Variants in PHKB observed in about 807,000 individuals in gnomAD.
The protein encoded by PHKB is phosphorylase kinase regulatory subunit beta.
Under a neutral mutation model 152.1 loss-of-function variants are expected in PHKB, and 122 were observed. The ratio of observed to expected loss-of-function variants is 0.80; its 90% confidence interval spans 0.69 to 0.93. The LOEUF (loss-of-function observed/expected upper bound fraction) is 0.93. Ranked by LOEUF, PHKB falls within the 40% of genes least tolerant of loss-of-function variation. The pLI is 0.00. For missense variants in PHKB, 1,304 were observed against 1,328.4 expected (o/e 0.98, Z 0.29); for synonymous variants, 436 against 464.9 (o/e 0.94, Z 0.80).
chr16:47,523,828 A>ATT, intron 6 of PHKB, among the ~76,000 whole-genome samples: 1 of 152,206 alleles, frequency 6.6e-6, no homozygotes, highest in Non-Finnish European at 1.5e-5. Context: ...CATTTAAAGA[A>ATT]AAGCTCTTAA....
intron 26 of PHKB, among the ~76,000 whole-genome samples, chr16:47,688,088 A>G (rs1038373092): frequency 5.9e-5 from 9 of 152,214 alleles, no homozygotes; most frequent in African/African-American, 1.9e-4. Flanking sequence ...GTATGAAGAG[A>G]AAGAGAAGGC....
In PHKB at chr16:47,700,458, A is replaced by G. The variant is rs538762429; in HGVS notation, c.*1092A>G. The G allele has an allele frequency of 6.6e-6, 1 of 152,178 alleles. No homozygotes were observed. Among genetic ancestry groups the G allele is most frequent in the East Asian group, 1.9e-4 (1 of 5,190 alleles). 9.4% of individuals were successfully genotyped at this position (152,178 alleles called of 1,614,324 possible). A position where few individuals can be genotyped will look rare whatever the true frequency, so the allele number is the denominator to read the frequency against. On this transcript the variant is annotated 3_prime_UTR_variant, in exon 31 of 31. Transcript: ENST00000323584. ...AAGGGTCATTAAATTTTATTTCTGA[A>G]TTAATGAACATATCTGGACATTTTT... is the stretch of plus-strand genomic sequence containing the variant.
At position 47,536,883 on chromosome 16, in the gene PHKB, A is replaced by G. The variant is rs190004094; in HGVS notation, c.595-10550A>G. On this transcript the variant is annotated intron_variant, in intron 6 of 30. Transcript: ENST00000323584. ...AGTATAGTGAGAGTTAGGAGAAATTAGAGACTTCACTAAGAAAAGTTTTGA... is the reference window on the plus strand; with the variant it reads ...AGTATAGTGAGAGTTAGGAGAAATTGGAGACTTCACTAAGAAAAGTTTTGA... Among the ~76,000 whole-genome samples the G allele has an allele frequency of 7.9e-5, 12 of 152,344 alleles. No individual in the cohort carries two copies. The East Asian group carries it at 2.1e-3, about 27-fold the overall frequency.
intron 7 of PHKB, among the ~76,000 whole-genome samples, chr16:47,572,141 A>C (rs1006152835): frequency 6.6e-6 from 1 of 152,224 alleles, no homozygotes; most frequent in Non-Finnish European, 1.5e-5. Flanking sequence ...GCTCAGGACC[A>C]GAGGGAAAGG....
chr16:47,559,116 C>T (rs535292315), intron 7 of PHKB, among the ~76,000 whole-genome samples: 1 of 152,152 alleles, frequency 6.6e-6, no homozygotes, highest in Admixed American at 6.5e-5. Flanking sequence ...TGCATTGGGG[C>T]CTAAGGGAGC....
At chr16:47,499,986 G>C in intron 3 of PHKB, 92 bp downstream of exon 3, 1 of 1,417,650 alleles carries the variant, frequency 7.1e-7, no homozygotes. Context: ...TTTTGGCTCT[G>C]CTGCTGACTC....
rs1973590718 is a variant in PHKB at position 47,669,149 on chromosome 16, A to G, written c.2428-66A>G. Reference sequence around the variant, plus strand: ...AGCCTGCCAGTCATTCTGAGCCTTGATTTTTTTTTAATTTTTATCTTTTAG... The same window carrying G: ...AGCCTGCCAGTCATTCTGAGCCTTGGTTTTTTTTTAATTTTTATCTTTTAG... On this transcript the variant is annotated intron_variant, in intron 25 of 30. Transcript: ENST00000323584. 3 of 1,272,410 alleles carry G rather than the reference A, an allele frequency of 2.4e-6. No homozygotes were observed. The African/African-American group carries it at 4.4e-5, about 19-fold the overall frequency. The allele number at this position is 1,272,410 out of a possible 1,614,324, so 78.8% of individuals were successfully genotyped here. A position where few individuals can be genotyped will look rare whatever the true frequency, so the allele number is the denominator to read the frequency against.
intron 26 of PHKB, among the ~76,000 whole-genome samples, chr16:47,683,965 T>G (rs1032101895): frequency 1.3e-5 from 2 of 152,140 alleles, no homozygotes; most frequent in African/African-American, 4.8e-5. Context: ...CTTGAAATCT[T>G]AAAATGATTA....
intron 16 of PHKB, 60 bp from the exon 17 acceptor site, chr16:47,648,473 G>A: frequency 1.8e-6 from 2 of 1,118,464 alleles, no homozygotes; most frequent in East Asian, 2.4e-5. Flanking sequence ...ACAATACTCA[G>A]GGGTGAGAAA....
At chr16:47,671,299 GTATT>G (rs1177951410) in intron 26 of PHKB, among the ~76,000 whole-genome samples, 3 of 152,086 alleles carry the variant, frequency 2.0e-5, no homozygotes, top group African/African-American at 4.8e-5. Flanking sequence ...GCACTATGCT[GTATT>G]TATTAATATA....
chr16:47,599,028 A>G, intron 13 of PHKB: 5 of 719,260 alleles, frequency 7.0e-6, no homozygotes, highest in Non-Finnish European at 9.4e-6. Context: ...TTCGATCAAC[A>G]CATGAAATAG....
intron 6 of PHKB, among the ~76,000 whole-genome samples, chr16:47,521,651 G>T (rs563637497): frequency 6.7e-6 from 1 of 148,824 alleles, no homozygotes; most frequent in Admixed American, 6.7e-5. Flanking sequence ...GCGAAACTAC[G>T]TCTCAAAAAA....
At chr16:47,463,833 C>A in intron 1 of PHKB, 1 of 1,113,192 alleles carries the variant, frequency 9.0e-7, no homozygotes, top group Non-Finnish European at 1.4e-6. Context: ...ACTGCTCACA[C>A]TGCTTTCAAT....
intron 16 of PHKB, among the ~76,000 whole-genome samples, chr16:47,641,990 T>G (rs188923684): frequency 1.3e-5 from 2 of 152,278 alleles, no homozygotes; most frequent in East Asian, 3.9e-4. Flanking sequence ...AAATAACAAG[T>G]TAGTCTTAAT....
At chr16:47,513,696 A>G (rs9926490) in intron 5 of PHKB, among the ~76,000 whole-genome samples, 17,850 of 152,212 alleles carry the variant, frequency 0.12, 2,297 homozygotes, top group African/African-American at 0.32. Context: ...TAGCCACTGG[A>G]GCTGTCAGAG....
At chr16:47,619,023 A>G (rs576736933) in intron 14 of PHKB, 1 of 152,320 alleles carries the variant, frequency 6.6e-6, no homozygotes, top group African/African-American at 2.4e-5. Context: ...GATAACTACT[A>G]TTGATTGTGT....
intron 26 of PHKB, chr16:47,676,273 G>T (rs1314396994): frequency 6.6e-6 from 1 of 152,134 alleles, no homozygotes; most frequent in East Asian, 1.9e-4. Context: ...AAAAGAAAGG[G>T]AGGGGATTTA....
chr16:47,679,110 G>A (rs1342212633), intron 26 of PHKB, among the ~76,000 whole-genome samples: 3 of 152,122 alleles, frequency 2.0e-5, no homozygotes, highest in African/African-American at 4.8e-5. Flanking sequence ...TGAGGGCTCT[G>A]TTCTGTTCCA....
chr16:47,634,273 AT>A (rs1972877969), intron 14 of PHKB, among the ~76,000 whole-genome samples: 1 of 152,226 alleles, frequency 6.6e-6, no homozygotes, highest in African/African-American at 2.4e-5. Context: ...AATATTTTAC[AT>A]GCCCTCTTTT....
Sources: gnomAD v4.1 joint callset for allele counts (sites outside exome capture counted in the v4.1 genomes callset) on GRCh38, gnomAD v4.1.1 for gene constraint, MANE v1.5 for transcripts, NCBI Gene and HGNC (gene_info 2026-07-23, HGNC 2026-07-21) for gene names.